Variants in NKAIN3 observed in about 807,000 individuals in gnomAD.
NKAIN3 encodes sodium/potassium-transporting ATPase subunit beta-1-interacting protein 3.
A neutral mutation model predicts 30.2 loss-of-function variants in NKAIN3; 25 were observed. The ratio of observed to expected loss-of-function variants is 0.83; its 90% confidence interval spans 0.60 to 1.16. The LOEUF is 1.16. Ranked by LOEUF, NKAIN3 falls within the 50% of genes most tolerant of loss-of-function variation. NKAIN3 has a pLI of 0.00. For synonymous variants in NKAIN3, 91 were observed against 89.6 expected, an observed-to-expected ratio of 1.02 and a Z score of -0.09; for missense variants, 225 against 254.1, an observed-to-expected ratio of 0.89 and a Z score of 0.78.
intron 3 of NKAIN3, among the ~76,000 whole-genome samples, chr8:62,651,970 T>C (rs1210404006): frequency 2.6e-5 from 4 of 152,140 alleles, no homozygotes; most frequent in Admixed American, 1.3e-4. Flanking sequence ...TGCAGAACCA[T>C]AAGCCAGAAA....
At chr8:62,505,806 G>A (rs1807614956) in intron 1 of NKAIN3, among the ~76,000 whole-genome samples, 1 of 152,022 alleles carries the variant, frequency 6.6e-6, no homozygotes, top group Non-Finnish European at 1.5e-5. Flanking sequence ...CACACAACAG[G>A]TGGCTTAAAA....
chr8:62,492,692 T>A (rs1239742922), intron 1 of NKAIN3, among the ~76,000 whole-genome samples: 2 of 152,176 alleles, frequency 1.3e-5, no homozygotes, highest in African/African-American at 4.8e-5. Flanking sequence ...TACGCTTTTT[T>A]TGCAGCTTCA....
At chr8:62,732,296 G>A (rs1315191000) in intron 3 of NKAIN3, among the ~76,000 whole-genome samples, 4 of 151,604 alleles carry the variant, frequency 2.6e-5, no homozygotes, top group Non-Finnish European at 5.9e-5. Context: ...TATTGATAAT[G>A]TTACATTGAT....
intron 1 of NKAIN3, among the ~76,000 whole-genome samples, chr8:62,484,815 A>G (rs1806846165): frequency 6.6e-6 from 1 of 152,100 alleles, no homozygotes; most frequent in Non-Finnish European, 1.5e-5. Flanking sequence ...AGGGTCACAT[A>G]GTGGTGTCTT....
chr8:62,412,290 T>C (rs1460402363), intron 1 of NKAIN3, among the ~76,000 whole-genome samples: 1 of 149,736 alleles, frequency 6.7e-6, no homozygotes, highest in Non-Finnish European at 1.5e-5. Flanking sequence ...TGATCTTCAA[T>C]AATGCTGACA....
intron 3 of NKAIN3, among the ~76,000 whole-genome samples, chr8:62,691,261 AAG>A (rs1242657606): frequency 6.6e-6 from 1 of 152,124 alleles, no homozygotes; most frequent in African/African-American, 2.4e-5. Flanking sequence ...GGTGCACTGA[AAG>A]AAAGCTTGGA....
In NKAIN3 at chr8:62,936,475, C is replaced by G. The variant is rs1465845829; in HGVS notation, c.533-17427C>G. Reference sequence around the variant, plus strand: ...TTGTCTTCCATAATCTCACAAATGTCTATATAACCAACCCTAACTCAGAAC... The same window carrying G: ...TTGTCTTCCATAATCTCACAAATGTGTATATAACCAACCCTAACTCAGAAC... On this transcript the variant is annotated intron_variant, in intron 5 of 6. Transcript: ENST00000623646. Among the ~76,000 whole-genome samples the G allele has an allele frequency of 2.6e-5, 4 of 152,084 alleles. 1 individual carries two copies. Among genetic ancestry groups the G allele is most frequent in the African/African-American group, 9.7e-5 (4 of 41,364 alleles).
chr8:62,544,266 G>A (rs1808939370), intron 1 of NKAIN3, among the ~76,000 whole-genome samples: 1 of 152,044 alleles, frequency 6.6e-6, no homozygotes, highest in Non-Finnish European at 1.5e-5. Context: ...GACTCCCAAA[G>A]TGCTGGGATT....
At chr8:62,682,958 C>A (rs1221922383) in intron 3 of NKAIN3, among the ~76,000 whole-genome samples, 3 of 152,142 alleles carry the variant, frequency 2.0e-5, no homozygotes, top group East Asian at 1.9e-4. Context: ...CTGCTCAGCA[C>A]CTGATCCAAT....
intron 3 of NKAIN3, among the ~76,000 whole-genome samples, chr8:62,610,311 C>A (rs1052452132): frequency 6.0e-5 from 9 of 150,572 alleles, no homozygotes; most frequent in East Asian, 2.0e-4. Flanking sequence ...TACCATTGCA[C>A]CCCAGCCTGG....
In NKAIN3 at chr8:62,586,114, A is replaced by G. The variant is rs567281044; in HGVS notation, c.193-3600A>G. On this transcript the variant is annotated intron_variant, in intron 2 of 6. Transcript: ENST00000623646. ...GTCAAGTGAATTTGAAAAGTCCGCA[A>G]TTTAGTTATCTGGACTTTTATGCAA... Among the ~76,000 whole-genome samples the G allele has an allele frequency of 9.6e-4, 146 of 152,296 alleles. 1 individual carries two copies. In the Middle Eastern group the frequency reaches 0.017, roughly 18 times the overall value.
At chr8:62,351,388 A>G (rs1816173655) in intron 1 of NKAIN3, among the ~76,000 whole-genome samples, 1 of 150,120 alleles carries the variant, frequency 6.7e-6, no homozygotes, top group African/African-American at 2.4e-5. Context: ...TTATTGTTGT[A>G]TTATAATTGT....
At position 62,417,928 on chromosome 8, in the gene NKAIN3, A is replaced by G. The variant is rs192936748; in HGVS notation, c.55-161611A>G. Reference sequence around the variant, plus strand: ...TGTTTTATTAAGGAATACAATCAAAAAAGAGAGGATGAAGAACAGTGGAGT... The same window carrying G: ...TGTTTTATTAAGGAATACAATCAAAGAAGAGAGGATGAAGAACAGTGGAGT... On this transcript the variant is annotated intron_variant, in intron 1 of 6. Transcript: ENST00000623646. 1.3e-3 allele frequency among the ~76,000 whole-genome samples: 194 copies of G among 152,328 alleles called. 1 individual carries two copies. Among genetic ancestry groups the G allele is most frequent in the African/African-American group, 4.5e-3 (187 of 41,582 alleles).
At chr8:62,746,909 T>C in intron 3 of NKAIN3, 23 bp from the exon 4 acceptor site, 2 of 1,556,984 alleles carry the variant, frequency 1.3e-6, no homozygotes, top group Admixed American at 1.7e-5. Flanking sequence ...CTCATTTTGC[T>C]CTTTTGTCTC....
chr8:62,913,581 T>C (rs764908590), intron 4 of NKAIN3, among the ~76,000 whole-genome samples: 11 of 152,208 alleles, frequency 7.2e-5, no homozygotes, highest in Non-Finnish European at 1.5e-4. Context: ...CAGGATTTAG[T>C]AGATTTACAG....
chr8:62,301,582 T>G (rs1475052657), intron 1 of NKAIN3, among the ~76,000 whole-genome samples: 1 of 152,052 alleles, frequency 6.6e-6, no homozygotes. Flanking sequence ...TAGGTTACAA[T>G]TCACTATGTA....
At chr8:62,850,639 G>A (rs1227426785) in intron 4 of NKAIN3, among the ~76,000 whole-genome samples, 6 of 151,918 alleles carry the variant, frequency 3.9e-5, no homozygotes, top group African/African-American at 1.2e-4. Context: ...TGTATAAGGT[G>A]TAAGGAAGGG....
intron 1 of NKAIN3, among the ~76,000 whole-genome samples, chr8:62,451,301 C>A (rs1454669054): frequency 7.7e-6 from 1 of 130,636 alleles, no homozygotes; most frequent in Non-Finnish European, 1.6e-5. Context: ...CCCCTCCCGT[C>A]CCCTCCCCTC....
At chr8:62,586,898 A>C (rs190255127) in intron 2 of NKAIN3, among the ~76,000 whole-genome samples, 1 of 152,036 alleles carries the variant, frequency 6.6e-6, no homozygotes, top group Non-Finnish European at 1.5e-5. Context: ...GATTATGCAG[A>C]GTGATTTTTT....
Sources: allele counts gnomAD v4.1 joint callset (sites outside exome capture counted in the v4.1 genomes callset), GRCh38; gene constraint gnomAD v4.1.1; transcripts MANE v1.5; gene names NCBI Gene and HGNC (gene_info 2026-07-23, HGNC 2026-07-21).